Variants in CENPP observed in about 807,000 individuals in gnomAD.
CENPP encodes centromere protein P.
In CENPP, 24 loss-of-function variants were observed where a neutral mutation model predicts 35.6. That is an observed-to-expected ratio of 0.67 (90% confidence interval 0.49 to 0.95). The LOEUF is 0.95. Among genes scored for constraint, CENPP ranks in the 40% least tolerant of loss-of-function variants. CENPP has a pLI of 0.00. For missense variants in CENPP, 332 were observed against 345.3 expected (o/e 0.96, Z 0.31); for synonymous variants, 120 against 125.5 (o/e 0.96, Z 0.29).
chr9:92,462,782 G>A (rs573806552), intron 5 of CENPP, among the ~76,000 whole-genome samples: 38 of 152,294 alleles, frequency 2.5e-4, no homozygotes, highest in African/African-American at 8.4e-4. Context: ...GAATGATTAT[G>A]TGGACCCTCC....
chr9:92,540,499 G>A (rs898673021), intron 5 of CENPP, among the ~76,000 whole-genome samples: 1 of 152,006 alleles, frequency 6.6e-6, no homozygotes, highest in Non-Finnish European at 1.5e-5. Context: ...AAGGCTGGGG[G>A]CAGTGGCTCA....
At chr9:92,525,452 A>G (rs962441767) in intron 5 of CENPP, among the ~76,000 whole-genome samples, 2 of 152,264 alleles carry the variant, frequency 1.3e-5, no homozygotes, top group African/African-American at 4.8e-5. Flanking sequence ...CAAATTGCAT[A>G]TACCATGATG....
intron 5 of CENPP, chr9:92,510,070 A>G (rs779180423): frequency 1.9e-6 from 3 of 1,574,774 alleles, no homozygotes; most frequent in Non-Finnish European, 2.6e-6. Flanking sequence ...TTTTTTATCT[A>G]GTCACAGCTG....
chr9:92,330,971 T>C (rs1840727663), intron 1 of CENPP, among the ~76,000 whole-genome samples: 1 of 152,126 alleles, frequency 6.6e-6, no homozygotes, highest in Non-Finnish European at 1.5e-5. Context: ...ATTGCAGGCG[T>C]GAGCCACTGC....
At chr9:92,555,645 C>A (rs1002440261) in intron 5 of CENPP, among the ~76,000 whole-genome samples, 3 of 152,048 alleles carry the variant, frequency 2.0e-5, no homozygotes, top group African/African-American at 7.2e-5. Flanking sequence ...GGAACTTATT[C>A]ATCTCTTCTA....
chr9:92,510,717 A>G (rs115313639), intron 5 of CENPP, among the ~76,000 whole-genome samples: 1 of 152,216 alleles, frequency 6.6e-6, no homozygotes, highest in South Asian at 2.1e-4. Context: ...TCCAGTGATC[A>G]TATTCAAATT....
chr9:92,333,104 C>T (rs1280967977), intron 2 of CENPP, among the ~76,000 whole-genome samples: 1 of 152,148 alleles, frequency 6.6e-6, no homozygotes, highest in Non-Finnish European at 1.5e-5. Context: ...GTCCCAATGA[C>T]TAGATTTTAT....
chr9:92,563,734 T>G (rs1367245387), intron 5 of CENPP, among the ~76,000 whole-genome samples: 2 of 152,116 alleles, frequency 1.3e-5, no homozygotes, highest in East Asian at 3.9e-4. Context: ...TTAATCTCTT[T>G]GGCTGGTTCC....
At chr9:92,517,634 G>T in intron 5 of CENPP, 1 of 1,602,606 alleles carries the variant, frequency 6.2e-7, no homozygotes, top group Non-Finnish European at 8.5e-7. Flanking sequence ...AAAAACAAAT[G>T]GAAGTTAAAG....
intron 5 of CENPP, among the ~76,000 whole-genome samples, chr9:92,545,500 G>A (rs1020293953): frequency 6.6e-6 from 1 of 151,620 alleles, no homozygotes; most frequent in East Asian, 2.0e-4. Flanking sequence ...GCAGGGCTCC[G>A]GACCTGCAGC....
intron 5 of CENPP, among the ~76,000 whole-genome samples, chr9:92,440,363 A>AAATAAATG (rs1280369881): frequency 6.6e-6 from 1 of 150,916 alleles, no homozygotes. Context: ...ATAAATAAAT[A>AAATAAATG]AATAAATAAA....
intron 5 of CENPP, chr9:92,496,240 C>T (rs1846337730): frequency 3.3e-6 from 5 of 1,498,976 alleles, no homozygotes; most frequent in Non-Finnish European, 3.5e-6. Context: ...AGGATTATGT[C>T]TCTCTTATTA....
intron 5 of CENPP, among the ~76,000 whole-genome samples, chr9:92,505,152 C>G (rs1055507672): frequency 2.0e-5 from 3 of 152,210 alleles, no homozygotes; most frequent in Admixed American, 1.3e-4. Context: ...AGTGGACACT[C>G]TGTTACGGTT....
intron 5 of CENPP, chr9:92,417,496 T>C: frequency 1.2e-6 from 2 of 1,613,804 alleles, no homozygotes; most frequent in Non-Finnish European, 1.7e-6. Context: ...AAGTTTCATA[T>C]TGGCAATGTA....
rs142271062 is a variant in CENPP, at chr9:92,335,050, G to T, written c.290-2491G>T. ...AAAACACAAAAATTAGCAGGGCGTGGTGGGGCATGCCTGTAGTACCAGCTG... is the reference window on the plus strand; with the variant it reads ...AAAACACAAAAATTAGCAGGGCGTGTTGGGGCATGCCTGTAGTACCAGCTG... On this transcript the variant is annotated intron_variant, in intron 2 of 7. Coordinates refer to ENST00000375587, the MANE Select transcript of CENPP (RefSeq NM_001012267.3). Among the ~76,000 whole-genome samples the T allele has an allele frequency of 3.1e-3, 467 of 152,136 alleles. 2 individuals carry two copies. The highest frequency in any genetic ancestry group is 0.011 in the African/African-American group (439 of 41,492).
intron 5 of CENPP, among the ~76,000 whole-genome samples, chr9:92,426,531 G>T (rs1393284610): frequency 2.0e-5 from 3 of 152,154 alleles, no homozygotes; most frequent in African/African-American, 7.2e-5. Flanking sequence ...ATAAAATGCA[G>T]AATATAAACA....
chr9:92,379,932 A>G, intron 5 of CENPP, 73 bp downstream of exon 5: 1 of 942,030 alleles, frequency 1.1e-6, no homozygotes, highest in Non-Finnish European at 1.7e-6. Context: ...TTCATCCCTA[A>G]CATCCTTTTC....
chr9:92,465,004 A>T lies in CENPP; in HGVS notation c.564+85145A>T, dbSNP rs761927381. The T allele has an allele frequency of 3.1e-6, 5 of 1,613,686 alleles. No homozygotes were observed. The Admixed American group carries it at 8.3e-5, about 27-fold the overall frequency. ...CAAATGCCCCTGGCTCTATCCCATTATTATCAAGAGGGTTTGCACTCATTT... is the reference window on the plus strand; with the variant it reads ...CAAATGCCCCTGGCTCTATCCCATTTTTATCAAGAGGGTTTGCACTCATTT... On this transcript the variant is annotated intron_variant, in intron 5 of 7. Transcript: ENST00000375587.
chr9:92,611,556 G>A (rs1851250905), intron 6 of CENPP, among the ~76,000 whole-genome samples, 163 bp downstream of exon 6: 1 of 152,188 alleles, frequency 6.6e-6, no homozygotes, highest in African/African-American at 2.4e-5. Context: ...CAGTATGGGG[G>A]TGCGGGGAGC....
Sources: allele counts gnomAD v4.1 joint callset (sites outside exome capture counted in the v4.1 genomes callset), GRCh38; gene constraint gnomAD v4.1.1; transcripts MANE v1.5; gene names NCBI Gene and HGNC (gene_info 2026-07-23, HGNC 2026-07-21).